The following NCAM2 variants were observed in gnomAD, a reference collection of about 807,000 sequenced individuals.
NCAM2 encodes neural cell adhesion molecule 2, also known as N-CAM-2.
NCAM2 carries 30 observed loss-of-function variants against 98.1 expected under a neutral mutation model. The observed-to-expected ratio is 0.31, with a 90% CI of 0.23 to 0.41. The LOEUF (loss-of-function observed/expected upper bound fraction) is 0.41. NCAM2 is among the 10% of genes least tolerant of loss of function. NCAM2 has a pLI of 1.00. For missense variants in NCAM2, 867 were observed against 1,005.8 expected (o/e 0.86, Z 1.87); for synonymous variants, 368 against 342.4 (o/e 1.07, Z -0.83).
At chr21:21,264,542 C>T (rs959337404) in intron 1 of NCAM2, among the ~76,000 whole-genome samples, 1 of 151,648 alleles carries the variant, frequency 6.6e-6, no homozygotes, top group African/African-American at 2.4e-5. Context: ...GACACCTGGA[C>T]TTGTATGTTT....
At chr21:21,292,008 C>G in intron 4 of NCAM2, 96 bp from the exon 5 acceptor site, 1 of 1,149,184 alleles carries the variant, frequency 8.7e-7, no homozygotes, top group Non-Finnish European at 1.2e-6. Context: ...TTGATAGTGT[C>G]AGACAGTGCC....
At chr21:21,360,748 C>T (rs1462245669) in intron 8 of NCAM2, among the ~76,000 whole-genome samples, 4 of 151,716 alleles carry the variant, frequency 2.6e-5, no homozygotes, top group African/African-American at 9.7e-5. Flanking sequence ...CTTTTCTCCT[C>T]TTTCTCCACA....
intron 14 of NCAM2, among the ~76,000 whole-genome samples, chr21:21,472,848 G>A (rs771598114): frequency 1.3e-5 from 2 of 151,680 alleles, no homozygotes; most frequent in Non-Finnish European, 2.9e-5. Flanking sequence ...CCAAGCATCA[G>A]CACATGGAAC....
chr21:21,519,585 C>CG (rs1421093374), intron 16 of NCAM2, among the ~76,000 whole-genome samples: 1 of 114 alleles, frequency 8.8e-3, no homozygotes, highest in Non-Finnish European at 0.016. Flanking sequence ...AATTTGTCCA[C>CG]CACACCTCTG....
chr21:21,524,659 A>G (rs1276146204), intron 16 of NCAM2, among the ~76,000 whole-genome samples: 1 of 152,176 alleles, frequency 6.6e-6, no homozygotes, highest in Admixed American at 6.5e-5. Context: ...ATCAAGTTCA[A>G]TCAACTATAT....
chr21:21,394,564 C>T (rs1238497924), intron 9 of NCAM2, among the ~76,000 whole-genome samples: 1 of 140,592 alleles, frequency 7.1e-6, no homozygotes, highest in Non-Finnish European at 1.5e-5. Context: ...TCTTGGCTCA[C>T]TGCAAGCTCC....
intron 16 of NCAM2, among the ~76,000 whole-genome samples, chr21:21,531,453 C>T (rs1989688895): frequency 7.4e-6 from 1 of 134,780 alleles, no homozygotes; most frequent in Non-Finnish European, 1.6e-5. Context: ...GGCACTATTA[C>T]CATCTTTGTT....
chr21:21,312,263 A>G (rs1480414037), intron 5 of NCAM2, among the ~76,000 whole-genome samples: 4 of 151,840 alleles, frequency 2.6e-5, no homozygotes, highest in African/African-American at 9.7e-5. Flanking sequence ...ATGTTATTAC[A>G]TGATTTTTTC....
At chr21:21,419,851 T>G (rs1227072640) in intron 11 of NCAM2, among the ~76,000 whole-genome samples, 1 of 152,008 alleles carries the variant, frequency 6.6e-6, no homozygotes, top group Non-Finnish European at 1.5e-5. Context: ...AGCAGCATGA[T>G]TTATAATCCT....
At chr21:21,437,497 T>TGTGTGTGTGC (rs1445808503) in intron 12 of NCAM2, among the ~76,000 whole-genome samples, 1 of 151,878 alleles carries the variant, frequency 6.6e-6, no homozygotes, top group East Asian at 1.9e-4. Flanking sequence ...TGTGTGTGTG[T>TGTGTGTGTGC]GTGTTTCTAG....
chr21:21,132,471 G>A (rs1377396198), intron 1 of NCAM2, among the ~76,000 whole-genome samples: 2 of 151,394 alleles, frequency 1.3e-5, no homozygotes, highest in Non-Finnish European at 2.9e-5. Context: ...AAGAGGGATT[G>A]CTCTGTCTAC....
chr21:21,531,921 A>AG (rs5842937), intron 16 of NCAM2, among the ~76,000 whole-genome samples: 150,233 of 150,652 alleles, frequency 1, 74,907 homozygotes, highest in Middle Eastern at 1. Context: ...TGAACCCAGG[A>AG]GCGGAGCTTG....
At chr21:21,025,651 CTT>C (rs2064530616) in intron 1 of NCAM2, among the ~76,000 whole-genome samples, 1 of 151,756 alleles carries the variant, frequency 6.6e-6, no homozygotes, top group African/African-American at 2.4e-5. Context: ...AATTTGTTCT[CTT>C]ATATCAATAT....
At chr21:21,530,084 T>G (rs982143205) in intron 16 of NCAM2, among the ~76,000 whole-genome samples, 5 of 139,892 alleles carry the variant, frequency 3.6e-5, no homozygotes, top group African/African-American at 1.3e-4. Context: ...AATTATATAA[T>G]TTAATTTAAT....
chr21:21,236,052 A>G (rs1387020272), intron 1 of NCAM2, among the ~76,000 whole-genome samples: 3 of 152,106 alleles, frequency 2.0e-5, no homozygotes, highest in Non-Finnish European at 4.4e-5. Flanking sequence ...TGGAATGACC[A>G]GGGACATAAA....
chr21:21,264,982 A>G (rs1183137500), intron 1 of NCAM2, among the ~76,000 whole-genome samples: 1 of 103,570 alleles, frequency 9.7e-6, no homozygotes, highest in East Asian at 3.2e-4. Context: ...CATATATATT[A>G]TATATGTGTA....
intron 1 of NCAM2, among the ~76,000 whole-genome samples, chr21:21,132,046 T>C (rs2066946810): frequency 6.6e-6 from 1 of 152,248 alleles, no homozygotes; most frequent in Admixed American, 6.5e-5. Flanking sequence ...CTGTTACTTC[T>C]CAAAGCTGAG....
In NCAM2 at chr21:20,998,613, G is replaced by C. The variant is rs899147020; in HGVS notation, c.50G>C (p.Gly17Ala). 3.7e-6 allele frequency: 6 copies of C among 1,614,028 alleles called. No individual in the cohort carries two copies. Among genetic ancestry groups the C allele is most frequent in the Non-Finnish European group, 5.1e-6 (6 of 1,179,948 alleles). ...CTGCTGGGGTTGCTTGTCAGTAGCGGGCAAGGTAGGAGTGTGGCGCTTTAT... is the reference window on the plus strand; with the variant it reads ...CTGCTGGGGTTGCTTGTCAGTAGCGCGCAAGGTAGGAGTGTGGCGCTTTAT... ...FYLLGLLVSSGQALLQVTISL... is the reference protein window; with the variant it reads ...FYLLGLLVSSAQALLQVTISL... Residue 17 changes from glycine (G) to alanine (A), a missense_variant, in exon 1 of 18, where the codon GGG (glycine) becomes GCG (alanine). Coordinates refer to ENST00000400546, the MANE Select transcript of NCAM2 (RefSeq NM_004540.5).
chr21:21,343,439 G>A (rs553089814), intron 8 of NCAM2, among the ~76,000 whole-genome samples: 1 of 151,086 alleles, frequency 6.6e-6, no homozygotes, highest in East Asian at 2.0e-4. Flanking sequence ...TGTAGTACTT[G>A]GTTTTAACTT....
Sources: gnomAD v4.1 joint callset for allele counts (sites outside exome capture counted in the v4.1 genomes callset) on GRCh38, gnomAD v4.1.1 for gene constraint, MANE v1.5 for transcripts, NCBI Gene and HGNC (gene_info 2026-07-23, HGNC 2026-07-21) for gene names.